ECE1: variants seen among roughly 807,000 people sequenced by gnomAD.
ECE1 encodes the protein endothelin converting enzyme 1.
A neutral mutation model predicts 98.6 loss-of-function variants in ECE1; 35 were observed. That is an observed-to-expected ratio of 0.35 (90% CI 0.27 to 0.47). The LOEUF is 0.47. Among genes scored for constraint, ECE1 ranks in the 20% least tolerant of loss-of-function variants. The pLI, the probability that ECE1 is intolerant of heterozygous loss-of-function variation, is 1.00. For synonymous variants in ECE1, 394 were observed against 407.1 expected (o/e 0.97, Z 0.39); for missense variants, 814 against 1,025.3 (o/e 0.79, Z 2.81).
intron 17 of ECE1, among the ~76,000 whole-genome samples, chr1:21,222,732 C>T (rs2098169029): frequency 6.7e-6 from 1 of 149,964 alleles, no homozygotes; most frequent in Non-Finnish European, 1.5e-5. Context: ...ATCCCAGCTA[C>T]TCAGGAGGCT....
chr1:21,217,954 G>A lies in ECE1; in HGVS notation c.*2001C>T, dbSNP rs28368058. ...GTGAGGGGAGAGCACTGTCCAGGCA[G>A]GGCTGGGCCAGGAGGCCTGGGCTGC... On this transcript the variant is annotated 3_prime_UTR_variant, in exon 19 of 19. Transcript: ENST00000374893. 0.1 allele frequency: 15,276 copies of A among 152,724 alleles called. 986 individuals carry two copies. Among genetic ancestry groups the A allele is most frequent in the East Asian group, 0.25 (1,296 of 5,188 alleles). The allele number at this position is 152,724 out of a possible 1,614,324, so 9.5% of individuals were successfully genotyped here.
At chr1:21,313,390 C>T (rs1026428132) in intron 1 of ECE1, among the ~76,000 whole-genome samples, 1 of 152,192 alleles carries the variant, frequency 6.6e-6, no homozygotes, top group Non-Finnish European at 1.5e-5. Flanking sequence ...GGAGGAAACG[C>T]CTGGCTGGGG....
intron 4 of ECE1, chr1:21,266,668 G>T (rs2098234328): frequency 6.6e-6 from 1 of 152,212 alleles, no homozygotes; most frequent in South Asian, 2.1e-4. Context: ...AAAGTGAACT[G>T]CTTCCTCTGA....
At chr1:21,275,353 G>C (rs535623911) in intron 3 of ECE1, among the ~76,000 whole-genome samples, 1 of 152,208 alleles carries the variant, frequency 6.6e-6, no homozygotes, top group Non-Finnish European at 1.5e-5. Flanking sequence ...CCAGCACTCT[G>C]GGAGGCCGAG....
rs757613491 is a variant in ECE1, at chr1:21,307,220, C to T, written c.4-17064G>A. Among the ~76,000 whole-genome samples the T allele has an allele frequency of 6.6e-6, 1 of 152,214 alleles. No homozygotes were observed. Among genetic ancestry groups the T allele is most frequent in the Non-Finnish European group, 1.5e-5 (1 of 68,028 alleles). On this transcript the variant is annotated intron_variant, in intron 1 of 18. Coordinates refer to the ECE1 transcript ENST00000415912. This position sits in a 1 kb window ranked among gnomAD's most constrained non-coding sequence, Gnocchi z 4.2. ...AATGCTGGCTTTAACATTTCCAAAG[C>T]GGGCTCGTTCCCTTTAATTCACTTT...
chr1:21,256,913 C>T (rs180672286), intron 7 of ECE1, among the ~76,000 whole-genome samples: 1 of 152,250 alleles, frequency 6.6e-6, no homozygotes, highest in Non-Finnish European at 1.5e-5. Flanking sequence ...ACCATCTCCC[C>T]AGCATCAGGC....
In ECE1 at chr1:21,330,883, G is replaced by T. The variant is rs111925063; in HGVS notation, c.3+14493C>A. On this transcript the variant is annotated intron_variant, in intron 1 of 18. Coordinates refer to the ECE1 transcript ENST00000415912. ...GATTAATTTCTTCCCTTTGCTGGCT[G>T]CAAAGGACTCTCATGGAAGGTGAGG... 1.1e-4 allele frequency among the ~76,000 whole-genome samples: 17 copies of T among 152,260 alleles called. No individual in the cohort carries two copies. The South Asian group carries it at 3.5e-3, about 32-fold the overall frequency.
intron 1 of ECE1, among the ~76,000 whole-genome samples, chr1:21,323,451 AC>A (rs1347895685): frequency 6.6e-6 from 1 of 152,146 alleles, no homozygotes; most frequent in Non-Finnish European, 1.5e-5. Context: ...ATAGCAGGAA[AC>A]AAAACAGACA....
intron 9 of ECE1, among the ~76,000 whole-genome samples, chr1:21,245,927 A>ACATATG (rs1000845552): frequency 2.2e-4 from 34 of 152,072 alleles, no homozygotes; most frequent in Non-Finnish European, 4.0e-4. Flanking sequence ...CTTTCTCTCT[A>ACATATG]CATATGCACA....
Position 21,290,336 on chromosome 1 carries a change from C to G in ECE1, c.51+28G>C. 5 of 1,227,310 alleles carry G rather than the reference C, an allele frequency of 4.1e-6. No homozygotes were observed. The highest frequency in any genetic ancestry group is 5.1e-6 in the Non-Finnish European group (5 of 988,250). The allele number at this position is 1,227,310 out of a possible 1,614,324, so 76.0% of individuals were successfully genotyped here. Reference sequence around the variant, plus strand: ...GGAGGGGTCCCGCCCGCCTCCCGCCCCCGCCCTCCAGGCCGCGCCCGCCTC... The same window carrying G: ...GGAGGGGTCCCGCCCGCCTCCCGCCGCCGCCCTCCAGGCCGCGCCCGCCTC... On this transcript the variant is annotated intron_variant, in intron 1 of 18. Transcript: ENST00000374893. The surrounding 1 kb of genome is among the most constrained non-coding windows in gnomAD (Gnocchi z 7.3).
chr1:21,246,492 C>A (rs2098203722), intron 9 of ECE1, among the ~76,000 whole-genome samples: 1 of 118,754 alleles, frequency 8.4e-6, no homozygotes, highest in African/African-American at 3.1e-5. Context: ...GAGTGAGACT[C>A]CATCTCAAAA....
chr1:21,251,117 G>A (rs80024533), intron 8 of ECE1, among the ~76,000 whole-genome samples: 11,256 of 152,228 alleles, frequency 0.074, 1,023 homozygotes, highest in East Asian at 0.46. Context: ...TCATCTCTTT[G>A]GGTTTAAAAG....
intron 14 of ECE1, among the ~76,000 whole-genome samples, chr1:21,230,219 C>T (rs918614971): frequency 6.6e-6 from 1 of 151,986 alleles, no homozygotes; most frequent in African/African-American, 2.4e-5. Flanking sequence ...AAATAAAGTT[C>T]ATGGATGTGG....
chr1:21,271,831 A>C (rs1290673614), intron 4 of ECE1, among the ~76,000 whole-genome samples: 1 of 152,150 alleles, frequency 6.6e-6, no homozygotes, highest in Non-Finnish European at 1.5e-5. Context: ...CTCTGACCAG[A>C]GGGCTTATCG....
intron 2 of ECE1, among the ~76,000 whole-genome samples, chr1:21,287,957 G>A (rs61781563): frequency 1.5e-5 from 2 of 137,278 alleles, no homozygotes; most frequent in African/African-American, 6.2e-5. Context: ...CTTTTACACT[G>A]GGGAAAAAAA....
chr1:21,221,815 C>G lies in ECE1; in HGVS notation c.2068G>C (p.Gly690Arg). 2.5e-6 allele frequency: 4 copies of G among 1,614,210 alleles called. No homozygotes were observed. Among genetic ancestry groups the G allele is most frequent in the Non-Finnish European group, 3.4e-6 (4 of 1,180,036 alleles). The part of the protein sequence containing the change: ...RAYQNWVKKN[G>R]AEHSLPTLGL... ...AGGGTGGGGAGCGAGTGCTCAGCCC[C>G]GTTCTTCTTCACCCAGTTCTGGTAA... The change falls in exon 18 of 19, where the codon GGG (glycine) becomes CGG (arginine). Residue 690 changes from glycine (G) to arginine (R), a missense_variant. Physicochemically the swap from Gly to Arg is moderately radical, Grantham distance 125. Around this residue, in one of 3 missense-constraint regions of ECE1, gnomAD observed 452 missense variants for 567.3 expected, o/e 0.80. Coordinates refer to ENST00000374893, the MANE Select transcript of ECE1 (RefSeq NM_001397.3).
chr1:21,289,871 G>A (rs968535548), intron 2 of ECE1, among the ~76,000 whole-genome samples, 199 bp downstream of exon 2: 2 of 151,960 alleles, frequency 1.3e-5, no homozygotes, highest in Admixed American at 1.3e-4. Context: ...GGCAGGTGAG[G>A]GGAGACTGGT....
intron 8 of ECE1, 53 bp from the exon 9 acceptor site, chr1:21,247,416 C>T (rs935808977): frequency 1.2e-5 from 19 of 1,613,638 alleles, no homozygotes; most frequent in African/African-American, 2.7e-5. Context: ...CCTCACAGCC[C>T]AGGGCTCTAG....
rs1297396104 is a variant in ECE1, at chr1:21,272,700, G to C, written c.492C>G (p.Leu164=). Residue 164 remains leucine, a splice_region_variant and synonymous_variant, in exon 4 of 19, where the codon CTC becomes CTG. Transcript: ENST00000374893. ...EHNQAIIKHL[L]ENSTASVSEA... is the part of the protein sequence containing the mutation. The stretch of plus-strand genomic sequence containing the variant: ...TTGGTCTCCATGCTGGATGCTTACC[G>C]AGGAGGTGCTTGATGATTGCTTGGT... 1 of 1,614,222 alleles carries C rather than the reference G, an allele frequency of 6.2e-7. No individual in the cohort carries two copies.
Sources: allele counts gnomAD v4.1 joint callset (sites outside exome capture counted in the v4.1 genomes callset), GRCh38; gene constraint gnomAD v4.1.1; regional missense constraint gnomAD v4.1.1; non-coding constraint Gnocchi (gnomAD v3.1); transcripts MANE v1.5; gene names NCBI Gene and HGNC (gene_info 2026-07-23, HGNC 2026-07-21).